Variants in SGCD observed in about 807,000 individuals in gnomAD.
SGCD encodes the protein sarcoglycan delta.
In SGCD, 18 loss-of-function variants were observed where a neutral mutation model predicts 36.6. That is an observed-to-expected ratio of 0.49 (90% CI 0.34 to 0.73). The LOEUF is 0.73. Ranked by LOEUF, SGCD falls within the 30% of genes least tolerant of loss-of-function variation. SGCD has a pLI of 0.01. For missense variants in SGCD, 387 were observed against 346.7 expected, an observed-to-expected ratio of 1.12 and a Z score of -0.92; for synonymous variants, 133 against 130.6, an observed-to-expected ratio of 1.02 and a Z score of -0.12.
chr5:156,515,846 A>C (rs1757134676), intron 4 of SGCD, among the ~76,000 whole-genome samples: 1 of 152,208 alleles, frequency 6.6e-6, no homozygotes, highest in Non-Finnish European at 1.5e-5. Flanking sequence ...TGCCCTGGAG[A>C]CTAGGTGGTT....
At chr5:156,091,532 G>C (rs75707894) in intron 1 of SGCD, among the ~76,000 whole-genome samples, 156 of 152,294 alleles carry the variant, frequency 1.0e-3, no homozygotes, top group African/African-American at 3.7e-3. Flanking sequence ...TTCCATGAAA[G>C]TACTCCTGTC....
chr5:156,322,515 A>G (rs992316147), upstream of SGCD, among the ~76,000 whole-genome samples: 3 of 152,224 alleles, frequency 2.0e-5, no homozygotes. Context: ...ACAAATATGT[A>G]TATACAACTA....
At chr5:156,384,614 CTT>C (rs1424684550) in intron 3 of SGCD, among the ~76,000 whole-genome samples, 5 of 152,112 alleles carry the variant, frequency 3.3e-5, no homozygotes, top group African/African-American at 1.2e-4. Context: ...AGAATTAACT[CTT>C]GAGTTTTATC....
chr5:155,900,557 G>A (rs1008055522), intron 1 of SGCD, among the ~76,000 whole-genome samples: 5 of 150,400 alleles, frequency 3.3e-5, no homozygotes, highest in Non-Finnish European at 5.9e-5. Context: ...TATATCTCCC[G>A]ATGCTATCCC....
At chr5:155,736,980 C>A in the SGCD span, among the ~76,000 whole-genome samples, 1 of 152,188 alleles carries the variant, frequency 6.6e-6, no homozygotes, top group Non-Finnish European at 1.5e-5. Flanking sequence ...TTCCTTTTCC[C>A]TATTCCCAAA....
chr5:156,631,047 T>C (rs1407710070), intron 6 of SGCD, among the ~76,000 whole-genome samples: 1 of 152,190 alleles, frequency 6.6e-6, no homozygotes, highest in African/African-American at 2.4e-5. Context: ...GTCATAGATA[T>C]TCTGAGTCTT....
intron 3 of SGCD, among the ~76,000 whole-genome samples, chr5:156,379,941 C>A (rs537533437): frequency 1.3e-5 from 2 of 152,188 alleles, no homozygotes; most frequent in South Asian, 4.1e-4. Context: ...AAATAGCCCA[C>A]TCTTTGGATT....
chr5:156,449,782 T>C (rs12653751), intron 3 of SGCD, among the ~76,000 whole-genome samples: 8,363 of 145,622 alleles, frequency 0.057, 298 homozygotes, highest in East Asian at 0.11. Context: ...AACCTGGGAG[T>C]TGGAGGTTGC....
At chr5:155,936,372 C>T (rs1210411938) in intron 1 of SGCD, among the ~76,000 whole-genome samples, 1 of 152,092 alleles carries the variant, frequency 6.6e-6, no homozygotes, top group Non-Finnish European at 1.5e-5. Flanking sequence ...ATGGATAGCT[C>T]CTCTTTGCAG....
chr5:156,026,376 A>T (rs1338829799), intron 1 of SGCD, among the ~76,000 whole-genome samples: 1 of 152,208 alleles, frequency 6.6e-6, no homozygotes, highest in Admixed American at 6.5e-5. Context: ...AGGGAAGTGG[A>T]TATATAAAAT....
At chr5:156,594,804 A>C in intron 5 of SGCD, 128 bp from the exon 6 acceptor site, 1 of 636,382 alleles carries the variant, frequency 1.6e-6, no homozygotes, top group South Asian at 2.0e-5. Flanking sequence ...TTGAAGTCTC[A>C]TACAATCTTG....
chr5:155,754,845 A>C, the SGCD span, among the ~76,000 whole-genome samples: 628 of 152,314 alleles, frequency 4.1e-3, 3 homozygotes, highest in African/African-American at 0.015. Flanking sequence ...TGATTTACAC[A>C]TTCGTAATTA....
intron 3 of SGCD, among the ~76,000 whole-genome samples, chr5:156,129,700 C>T (rs1762264636): frequency 6.6e-6 from 1 of 152,102 alleles, no homozygotes; most frequent in Non-Finnish European, 1.5e-5. Context: ...TTCATGAGTT[C>T]TCATAATTTA....
chr5:156,722,835 G>A (rs1755575450), intron 7 of SGCD, among the ~76,000 whole-genome samples: 1 of 151,998 alleles, frequency 6.6e-6, no homozygotes, highest in Admixed American at 6.6e-5. Flanking sequence ...TTGAATCTTT[G>A]ACTACTCTCT....
intron 1 of SGCD, among the ~76,000 whole-genome samples, chr5:156,069,995 T>C (rs1042066827): frequency 1.3e-5 from 2 of 152,084 alleles, no homozygotes; most frequent in Admixed American, 6.5e-5. Flanking sequence ...CCTGAGAGTT[T>C]ACCAAAGTTG....
At chr5:156,253,153 G>A (rs1765626258) in intron 3 of SGCD, among the ~76,000 whole-genome samples, 1 of 152,138 alleles carries the variant, frequency 6.6e-6, no homozygotes, top group Non-Finnish European at 1.5e-5. Flanking sequence ...GAGAGTAGAG[G>A]GCTTCATGAA....
At chr5:156,288,810 T>TAA in intron 3 of SGCD, among the ~76,000 whole-genome samples, 1 of 152,304 alleles carries the variant, frequency 6.6e-6, no homozygotes, top group Admixed American at 6.5e-5. Flanking sequence ...ACTGCCTGAT[T>TAA]AAGTCCGTAG....
chr5:156,078,595 T>C (rs1561710238), intron 1 of SGCD, among the ~76,000 whole-genome samples: 1 of 145,456 alleles, frequency 6.9e-6, no homozygotes, highest in South Asian at 2.1e-4. Context: ...ATATTTATAT[T>C]TATATATTTT....
intron 3 of SGCD, among the ~76,000 whole-genome samples, chr5:156,251,225 C>G (rs1765569263): frequency 6.6e-6 from 1 of 152,170 alleles, no homozygotes; most frequent in Non-Finnish European, 1.5e-5. Flanking sequence ...TTTTTTCTCT[C>G]TCTCTTATCA....
Sources: gnomAD v4.1 joint callset for allele counts (sites outside exome capture counted in the v4.1 genomes callset) on GRCh38, gnomAD v4.1.1 for gene constraint, MANE v1.5 for transcripts, NCBI Gene and HGNC (gene_info 2026-07-23, HGNC 2026-07-21) for gene names.